The following WDR25 variants were observed in gnomAD, a reference collection of about 807,000 sequenced individuals.
WDR25 encodes WD repeat-containing protein 25.
A neutral mutation model predicts 47.7 loss-of-function variants in WDR25; 35 were observed. The observed-to-expected ratio is 0.73, with a 90% confidence interval of 0.56 to 0.97. WDR25 has a LOEUF of 0.97. Among genes scored for constraint, WDR25 ranks in the 50% least tolerant of loss-of-function variants. WDR25 has a pLI of 0.00. For missense variants in WDR25, 634 were observed against 704.7 expected (o/e 0.90, Z 1.14); for synonymous variants, 248 against 278.9 (o/e 0.89, Z 1.10).
rs544566697 is a variant in WDR25, at chr14:100,427,402, T to C, written c.823-40619T>C. Reference sequence around the variant, plus strand: ...ACCATGGGGCAGGGGCCTGTGTGTCTTGCTCACTGCATTGTATCCCCAGCT... The same window carrying C: ...ACCATGGGGCAGGGGCCTGTGTGTCCTGCTCACTGCATTGTATCCCCAGCT... On this transcript the variant is annotated intron_variant, in intron 2 of 6. Transcript: ENST00000402312. 4.9e-4 allele frequency among the ~76,000 whole-genome samples: 74 copies of C among 152,316 alleles called. 1 individual carries two copies. The highest frequency in any genetic ancestry group is 1.8e-3 in the African/African-American group (74 of 41,576).
rs959135898 is a variant in WDR25 at position 100,498,960 on chromosome 14, G to C, written c.1101+14836G>C. Among the ~76,000 whole-genome samples the C allele has an allele frequency of 3.9e-5, 6 of 152,172 alleles. No individual in the cohort carries two copies. The highest frequency in any genetic ancestry group is 1.2e-4 in the African/African-American group (5 of 41,424). On this transcript the variant is annotated intron_variant, in intron 4 of 6. Transcript: ENST00000402312. The surrounding 1 kb of genome is among the most constrained non-coding windows in gnomAD (Gnocchi z 4.2). ...GTCGTGGGGTCCCCCTGTGACTTGGGTGCAAGCAGGGTGTAGGGGTAGAGG... is the reference window on the plus strand; with the variant it reads ...GTCGTGGGGTCCCCCTGTGACTTGGCTGCAAGCAGGGTGTAGGGGTAGAGG...
At chr14:100,487,244 A>G (rs891249016) in intron 4 of WDR25, among the ~76,000 whole-genome samples, 2 of 152,228 alleles carry the variant, frequency 1.3e-5, no homozygotes, top group Admixed American at 6.5e-5. Flanking sequence ...AATCAGATGA[A>G]TGCTTTAACA....
intron 5 of WDR25, among the ~76,000 whole-genome samples, chr14:100,526,491 C>T (rs112269986): frequency 0.057 from 8,610 of 152,196 alleles, 804 homozygotes; most frequent in African/African-American, 0.2. Flanking sequence ...CCTTATAAGG[C>T]GGAGAGCCTT....
rs1001414508 is a variant in WDR25 at position 100,523,543 on chromosome 14, C to T, written c.1102-2327C>T. Among the ~76,000 whole-genome samples the T allele has an allele frequency of 3.3e-5, 5 of 152,208 alleles. No homozygotes were observed. Among genetic ancestry groups the T allele is most frequent in the Non-Finnish European group, 4.4e-5 (3 of 68,018 alleles). On this transcript the variant is annotated intron_variant, in intron 4 of 6. Coordinates refer to ENST00000402312, the MANE Select transcript of WDR25 (RefSeq NM_001161476.3). This position sits in a 1 kb window ranked among gnomAD's most constrained non-coding sequence, Gnocchi z 4.7. Reference sequence around the variant, plus strand: ...TCAAAAACTAGACCTAGGAAGGGAACGAACCTTCCCCAGGCACATAGTAAA... The same window carrying T: ...TCAAAAACTAGACCTAGGAAGGGAATGAACCTTCCCCAGGCACATAGTAAA...
intron 2 of WDR25, among the ~76,000 whole-genome samples, chr14:100,384,420 G>T (rs1896973253): frequency 6.6e-6 from 1 of 152,242 alleles, no homozygotes; most frequent in Non-Finnish European, 1.5e-5. Flanking sequence ...AGACAGATTG[G>T]GAACCGGCGG....
At chr14:100,448,966 G>C (rs764091781) in intron 2 of WDR25, among the ~76,000 whole-genome samples, 5 of 151,966 alleles carry the variant, frequency 3.3e-5, no homozygotes, top group Non-Finnish European at 7.4e-5. Context: ...AAGGCTGGAG[G>C]TTCAAGGAAC....
chr14:100,480,879 C>T (rs569264205), intron 3 of WDR25: 6 of 273,322 alleles, frequency 2.2e-5, no homozygotes, highest in Admixed American at 1.0e-4. Context: ...GGAAAATGTC[C>T]GGGCAGCCCA....
intron 5 of WDR25, among the ~76,000 whole-genome samples, chr14:100,527,787 A>C (rs879706444): frequency 2.0e-5 from 3 of 152,234 alleles, no homozygotes; most frequent in Non-Finnish European, 4.4e-5. Flanking sequence ...TGGCCATGGC[A>C]GCCTCTGTGC....
intron 2 of WDR25, among the ~76,000 whole-genome samples, chr14:100,397,274 G>A (rs986202019): frequency 2.6e-5 from 4 of 152,092 alleles, no homozygotes; most frequent in Admixed American, 6.6e-5. Context: ...GTATATTGTC[G>A]GTGGAAATGG....
intron 2 of WDR25, among the ~76,000 whole-genome samples, chr14:100,437,860 C>T (rs1357657805): frequency 6.6e-6 from 1 of 152,104 alleles, no homozygotes; most frequent in Non-Finnish European, 1.5e-5. Context: ...CCTGAGCTGA[C>T]CACCAAGGAT....
intron 2 of WDR25, among the ~76,000 whole-genome samples, chr14:100,446,950 G>A (rs536986715): frequency 1.3e-5 from 2 of 152,270 alleles, no homozygotes; most frequent in Non-Finnish European, 2.9e-5. Flanking sequence ...TAAGTGCTAC[G>A]GAGTCATCAT....
intron 3 of WDR25, among the ~76,000 whole-genome samples, chr14:100,477,336 C>G (rs1475523046): frequency 6.6e-6 from 1 of 152,080 alleles, no homozygotes. Flanking sequence ...GTGATTTTTC[C>G]TAGCTCCAAG....
At chr14:100,376,655 A>G in intron 1 of WDR25, 160 bp downstream of exon 1, 1 of 1,231,668 alleles carries the variant, frequency 8.1e-7, no homozygotes. Flanking sequence ...CTTACTTCTT[A>G]CTATTGACAG....
Position 100,440,011 on chromosome 14 carries a change from A to G in WDR25, c.823-28010A>G, listed in dbSNP as rs1898620080. ...GCATGTTCAGGTCCACTTGTCAAGG[A>G]AAGGATCCATTGTTAAGAAACAAAC... On this transcript the variant is annotated intron_variant, in intron 2 of 6. Coordinates refer to ENST00000402312, the MANE Select transcript of WDR25 (RefSeq NM_001161476.3). The surrounding 1 kb of genome is among the most constrained non-coding windows in gnomAD (Gnocchi z 4.4). 6.6e-6 allele frequency among the ~76,000 whole-genome samples: 1 copy of G among 152,192 alleles called. No homozygotes were observed. Among genetic ancestry groups the G allele is most frequent in the Admixed American group, 6.5e-5 (1 of 15,286 alleles).
chr14:100,459,890 G>A (rs1208958959), intron 2 of WDR25, among the ~76,000 whole-genome samples: 8 of 47,766 alleles, frequency 1.7e-4, no homozygotes, highest in Admixed American at 1.5e-3. Flanking sequence ...ATATGTGTGT[G>A]TGTGTATATA....
chr14:100,510,269 CA>C (rs35103618), intron 4 of WDR25, among the ~76,000 whole-genome samples: 60,384 of 142,358 alleles, frequency 0.42, 14,767 homozygotes, highest in East Asian at 0.69. Flanking sequence ...GACTCCATGT[CA>C]AAAAAAAAAA....
At chr14:100,527,768 CTTG>C (rs2030257984) in intron 5 of WDR25, among the ~76,000 whole-genome samples, 1 of 152,210 alleles carries the variant, frequency 6.6e-6, no homozygotes, top group South Asian at 2.1e-4. Context: ...ACACTGGGAG[CTTG>C]TTATCTGGCC....
At chr14:100,429,242 C>T (rs1248987391) in intron 2 of WDR25, among the ~76,000 whole-genome samples, 7 of 152,136 alleles carry the variant, frequency 4.6e-5, no homozygotes, top group Non-Finnish European at 8.8e-5. Flanking sequence ...ATCAGCTTCT[C>T]GTTTCCTTGG....
intron 4 of WDR25, among the ~76,000 whole-genome samples, chr14:100,492,482 C>A (rs1036716852): frequency 6.6e-6 from 1 of 152,194 alleles, no homozygotes; most frequent in Non-Finnish European, 1.5e-5. Flanking sequence ...TTAACACCCA[C>A]CCCACTTGAT....
Sources: gnomAD v4.1 joint callset for allele counts (sites outside exome capture counted in the v4.1 genomes callset) on GRCh38, gnomAD v4.1.1 for gene constraint, Gnocchi (gnomAD v3.1) non-coding constraint, MANE v1.5 for transcripts, NCBI Gene and HGNC (gene_info 2026-07-23, HGNC 2026-07-21) for gene names.